The following PDE10A variants were observed in gnomAD, a reference collection of about 807,000 sequenced individuals.
PDE10A encodes the protein cAMP and cAMP-inhibited cGMP 3',5'-cyclic phosphodiesterase 10A.
A neutral mutation model predicts 97.7 loss-of-function variants in PDE10A; 39 were observed. The ratio of observed to expected loss-of-function variants is 0.40; its 90% confidence interval spans 0.31 to 0.52. The LOEUF (loss-of-function observed/expected upper bound fraction) is 0.52. PDE10A is among the 20% of genes least tolerant of loss of function. PDE10A has a pLI of 0.56. For synonymous variants in PDE10A, 371 were observed against 376.8 expected (o/e 0.98, Z 0.18); for missense variants, 731 against 1,047.8 (o/e 0.70, Z 4.17).
chr6:165,432,939 T>C (rs761585826), intron 7 of PDE10A, 35 bp downstream of exon 7: 2 of 1,581,172 alleles, frequency 1.3e-6, no homozygotes, highest in Non-Finnish European at 1.7e-6. Context: ...TAGGTACAAC[T>C]AAAAATTCTA....
intron 1 of PDE10A, among the ~76,000 whole-genome samples, chr6:165,782,875 G>A (rs148933782): frequency 2.6e-5 from 4 of 152,152 alleles, no homozygotes; most frequent in Non-Finnish European, 4.4e-5. Context: ...TATGGGAACC[G>A]TGTGTGATTT....
At chr6:165,667,046 A>T (rs1283612504), upstream of PDE10A, among the ~76,000 whole-genome samples, 12 of 152,362 alleles carry the variant, frequency 7.9e-5, 1 homozygote, top group East Asian at 2.3e-3. Context: ...GTGTTGTTAT[A>T]GTCAAACCTA....
chr6:165,581,368 TGA>T (rs1785609103), intron 1 of PDE10A, among the ~76,000 whole-genome samples: 1 of 152,174 alleles, frequency 6.6e-6, no homozygotes, highest in Non-Finnish European at 1.5e-5. Context: ...GAGCCCTCAC[TGA>T]CAGGATTAGT....
chr6:165,897,640 C>G (rs1781991917), intron 1 of PDE10A, among the ~76,000 whole-genome samples: 1 of 151,600 alleles, frequency 6.6e-6, no homozygotes, highest in African/African-American at 2.4e-5. Context: ...CCCAGCCCCC[C>G]CACCTCCAGG....
At chr6:165,435,018 A>G (rs535803608) in intron 6 of PDE10A, among the ~76,000 whole-genome samples, 39 of 152,340 alleles carry the variant, frequency 2.6e-4, no homozygotes, top group African/African-American at 9.1e-4. Context: ...CTGTACTGGC[A>G]TGTGTTGAAA....
In PDE10A at chr6:165,423,606, G is replaced by A. The variant is rs529338835; in HGVS notation, c.1654-4829C>T. Among the ~76,000 whole-genome samples, 12 of 152,234 alleles carry A rather than the reference G, an allele frequency of 7.9e-5. No individual in the cohort carries two copies. In the South Asian group the frequency reaches 1.5e-3, roughly 18 times the overall value. On this transcript the variant is annotated intron_variant, in intron 10 of 21. Transcript: ENST00000539869. ...GATTAGGCCGGGCGCGGTGGCTGAC[G>A]CCTGTAATCCCAACACTTTGGGAGG... is the stretch of plus-strand genomic sequence containing the variant.
chr6:165,501,030 C>T (rs1780843943), intron 2 of PDE10A, among the ~76,000 whole-genome samples: 1 of 152,098 alleles, frequency 6.6e-6, no homozygotes, highest in Non-Finnish European at 1.5e-5. Flanking sequence ...ATTGTCCTGC[C>T]ACATCCCCCT....
At position 165,943,217 on chromosome 6, in the gene PDE10A, A is replaced by AGG. The variant is rs1562809646; in HGVS notation, c.-615+44311_-615+44312insCC. On this transcript the variant is annotated intron_variant, in intron 1 of 19. Coordinates refer to the PDE10A transcript ENST00000366882. ...AAAGAAAGAAAGAAAGAAAGAAAGA[A>AGG]AGAAAGAAAGAAAGAAAGAAGGAAG... Among the ~76,000 whole-genome samples the AGG allele has an allele frequency of 1.8e-3, 164 of 90,856 alleles. 2 individuals carry two copies. The highest frequency in any genetic ancestry group is 4.6e-3 in the Middle Eastern group (1 of 216). The allele number at this position is 90,856 out of a possible 152,430, so 59.6% of individuals were successfully genotyped here.
intron 1 of PDE10A, among the ~76,000 whole-genome samples, chr6:165,936,720 C>A (rs755328020): frequency 7.9e-5 from 12 of 152,138 alleles, no homozygotes; most frequent in Non-Finnish European, 1.6e-4. Context: ...AATGTAGGAG[C>A]AAGATTTGAC....
chr6:165,503,841 C>T (rs1781040737), intron 2 of PDE10A, among the ~76,000 whole-genome samples: 1 of 152,092 alleles, frequency 6.6e-6, no homozygotes, highest in African/African-American at 2.4e-5. Flanking sequence ...ACTGAAAGAT[C>T]TTTATGGATA....
At chr6:165,659,898 G>A (rs1790151907) in intron 1 of PDE10A, among the ~76,000 whole-genome samples, 1 of 152,102 alleles carries the variant, frequency 6.6e-6, no homozygotes, top group Admixed American at 6.5e-5. Context: ...CTGAACACAC[G>A]AGCCAACAGC....
intron 1 of PDE10A, among the ~76,000 whole-genome samples, chr6:165,896,775 C>T (rs1183190650): frequency 1.3e-5 from 2 of 152,072 alleles, no homozygotes; most frequent in African/African-American, 2.4e-5. Flanking sequence ...CCACCTGTCT[C>T]GGCCTCCCAA....
In PDE10A at chr6:165,418,100, C is replaced by G. The variant is rs1405198489; in HGVS notation, c.1796+535G>C. On this transcript the variant is annotated intron_variant, in intron 11 of 21. Coordinates refer to ENST00000539869, the MANE Select transcript of PDE10A (RefSeq NM_001385079.1). This position sits in a 1 kb window ranked among gnomAD's most constrained non-coding sequence, Gnocchi z 4.8. ...TCCATTCTGTTCATTTAAGTGACAACGGCTGCCACTTAAAAAAACAAAGAC... is the reference window on the plus strand; with the variant it reads ...TCCATTCTGTTCATTTAAGTGACAAGGGCTGCCACTTAAAAAAACAAAGAC... Among the ~76,000 whole-genome samples, 1 of 152,142 alleles carries G rather than the reference C, an allele frequency of 6.6e-6. No homozygotes were observed. The highest frequency in any genetic ancestry group is 2.4e-5 in the African/African-American group (1 of 41,440).
chr6:165,704,065 C>T lies in PDE10A; in HGVS notation c.-614-160497G>A, dbSNP rs79365723. Among the ~76,000 whole-genome samples, 1,175 of 152,326 alleles carry T rather than the reference C, an allele frequency of 7.7e-3. 12 individuals carry two copies. The highest frequency in any genetic ancestry group is 0.046 in the South Asian group (223 of 4,816). On this transcript the variant is annotated intron_variant, in intron 1 of 19. Coordinates refer to the PDE10A transcript ENST00000366882. The stretch of plus-strand genomic sequence containing the variant: ...TCGTTCACCAAGGAGGGAGTAAACT[C>T]AACTGCAGCCGTGCCACGTACAACA...
chr6:165,911,323 G>T (rs904202755), intron 1 of PDE10A, among the ~76,000 whole-genome samples: 1 of 152,184 alleles, frequency 6.6e-6, no homozygotes, highest in African/African-American at 2.4e-5. Flanking sequence ...CCAAAGGGCA[G>T]CATTCCTAAA....
chr6:165,816,202 G>T (rs897237582), intron 1 of PDE10A, among the ~76,000 whole-genome samples: 3 of 152,122 alleles, frequency 2.0e-5, no homozygotes, highest in African/African-American at 7.2e-5. Flanking sequence ...GCCCGCCTTG[G>T]CCTCCCAAAG....
intron 1 of PDE10A, among the ~76,000 whole-genome samples, chr6:165,577,619 G>C (rs992221150): frequency 6.6e-6 from 1 of 152,148 alleles, no homozygotes; most frequent in Non-Finnish European, 1.5e-5. Flanking sequence ...GTTCACCCCA[G>C]GTCCCCTCAC....
At chr6:165,610,933 TA>T (rs1787463428) in intron 1 of PDE10A, among the ~76,000 whole-genome samples, 2 of 152,186 alleles carry the variant, frequency 1.3e-5, no homozygotes, top group South Asian at 4.1e-4. Context: ...CTCTTCTCTA[TA>T]AAATAAGGAG....
At chr6:165,919,442 A>G (rs1205119671) in intron 1 of PDE10A, among the ~76,000 whole-genome samples, 1 of 152,190 alleles carries the variant, frequency 6.6e-6, no homozygotes, top group African/African-American at 2.4e-5. Flanking sequence ...TCCACAGACC[A>G]CGTTTCTCCT....
Sources: allele counts gnomAD v4.1 joint callset (sites outside exome capture counted in the v4.1 genomes callset), GRCh38; gene constraint gnomAD v4.1.1; non-coding constraint Gnocchi (gnomAD v3.1); transcripts MANE v1.5; gene names NCBI Gene and HGNC (gene_info 2026-07-23, HGNC 2026-07-21).